RNF38: variants seen among roughly 807,000 people sequenced by gnomAD.
RNF38 encodes E3 ubiquitin-protein ligase RNF38.
In RNF38, 15 loss-of-function variants were observed where a neutral mutation model predicts 67.2. That is an observed-to-expected ratio of 0.22 (90% CI 0.15 to 0.34). The LOEUF is 0.34. RNF38 is among the 10% of genes least tolerant of loss of function. The pLI is 1.00. For missense variants in RNF38, 524 were observed against 639.9 expected (o/e 0.82, Z 1.95); for synonymous variants, 220 against 218.8 (o/e 1.01, Z -0.05).
At position 36,452,829 on chromosome 9, in the gene RNF38, G is replaced by A. The variant is rs148784200; in HGVS notation, n.242-28146C>T. On this transcript the variant is annotated intron_variant and non_coding_transcript_variant, in intron 1 of 3. Transcript: ENST00000488058. ...ATTACAGGCATGAGCCACTGCACCC[G>A]GCCAAAACCTTGTTTATTTTTATGA... 8.1e-3 allele frequency among the ~76,000 whole-genome samples: 1,226 copies of A among 152,200 alleles called. 20 individuals are homozygous for A. The highest frequency in any genetic ancestry group is 0.013 in the Non-Finnish European group (893 of 68,016).
intron 4 of RNF38, among the ~76,000 whole-genome samples, chr9:36,369,143 C>CT (rs1835184312): frequency 1.3e-5 from 2 of 152,216 alleles, no homozygotes. Context: ...GGAATATGTA[C>CT]TCAAACCATC....
chr9:36,413,404 A>G (rs1264614246), intron 2 of RNF38, among the ~76,000 whole-genome samples: 1 of 152,154 alleles, frequency 6.6e-6, no homozygotes, highest in Non-Finnish European at 1.5e-5. Flanking sequence ...TTTCTTTATA[A>G]ATTTCCCAGC....
chr9:36,451,779 C>A (rs1352183181), intron 1 of RNF38, among the ~76,000 whole-genome samples: 1 of 151,402 alleles, frequency 6.6e-6, no homozygotes, highest in African/African-American at 2.4e-5. Flanking sequence ...GGATTACAGG[C>A]ATTAGCCACT....
intron 5 of RNF38, among the ~76,000 whole-genome samples, chr9:36,357,000 AGT>A: frequency 6.6e-6 from 1 of 152,236 alleles, no homozygotes; most frequent in Admixed American, 6.5e-5. Context: ...CTGTTAAGTT[AGT>A]ATTGGTATAA....
chr9:36,376,926 CAAAAAAA>C (rs34112141), intron 2 of RNF38, among the ~76,000 whole-genome samples: 1 of 102,188 alleles, frequency 9.8e-6, no homozygotes, highest in Admixed American at 1.0e-4. Flanking sequence ...GACTCTGTCT[CAAAAAAA>C]AAAAAAAAAA....
intron 4 of RNF38, among the ~76,000 whole-genome samples, chr9:36,369,271 G>A (rs1054035875): frequency 6.6e-6 from 1 of 152,068 alleles, no homozygotes; most frequent in Non-Finnish European, 1.5e-5. Context: ...ACGAAGTCTC[G>A]TTCTGCCACC....
chr9:36,476,904 T>C (rs1440435349), intron 1 of RNF38, among the ~76,000 whole-genome samples: 2 of 152,110 alleles, frequency 1.3e-5, no homozygotes, highest in African/African-American at 2.4e-5. Context: ...CAGCTTACAG[T>C]AGCCATAGGT....
chr9:36,400,904 GCCCCGCCGCGCCCCGCCGCA>G (rs1489401304), upstream of RNF38: 7 of 375,372 alleles, frequency 1.9e-5, no homozygotes, highest in Non-Finnish European at 2.2e-5. Context: ...GCCCCTCCCC[GCCCCGCCGCGCCCCGCCGCA>G]CCCCGCCTCA....
chr9:36,376,979 CAG>C (rs1311883061), intron 2 of RNF38, among the ~76,000 whole-genome samples: 52 of 147,662 alleles, frequency 3.5e-4, no homozygotes, highest in African/African-American at 1.3e-3. Flanking sequence ...TTATGTTAGA[CAG>C]ATAAAGAAAT....
At chr9:36,378,348 T>C (rs545941446) in intron 2 of RNF38, among the ~76,000 whole-genome samples, 2 of 152,122 alleles carry the variant, frequency 1.3e-5, no homozygotes, top group African/African-American at 2.4e-5. Context: ...AGCTAATTTT[T>C]TGTATTTTTA....
At chr9:36,364,178 G>C (rs1247762731) in intron 4 of RNF38, among the ~76,000 whole-genome samples, 1 of 151,968 alleles carries the variant, frequency 6.6e-6, no homozygotes, top group Non-Finnish European at 1.5e-5. Context: ...TCCTCCACCA[G>C]AGACAGCAAA....
chr9:36,381,426 C>T (rs902010427), intron 2 of RNF38, among the ~76,000 whole-genome samples: 4 of 152,172 alleles, frequency 2.6e-5, no homozygotes, highest in Non-Finnish European at 5.9e-5. Flanking sequence ...GGAGTTTAGG[C>T]AAAACTGACC....
chr9:36,469,352 A>G (rs1337807426), intron 1 of RNF38, among the ~76,000 whole-genome samples: 1 of 151,446 alleles, frequency 6.6e-6, no homozygotes, highest in Non-Finnish European at 1.5e-5. Context: ...CACTATTTTC[A>G]GTTCAGTTAG....
intron 1 of RNF38, among the ~76,000 whole-genome samples, chr9:36,479,989 A>AT (rs1554703032): frequency 6.6e-6 from 1 of 151,632 alleles, no homozygotes; most frequent in Non-Finnish European, 1.5e-5. Flanking sequence ...TTATTTTTTT[A>AT]TTTTTTTGAG....
At position 36,415,935 on chromosome 9, in the gene RNF38, G is replaced by A. The variant is rs1039751995; in HGVS notation, n.312+8678C>T. Among the ~76,000 whole-genome samples, 6 of 152,004 alleles carry A rather than the reference G, an allele frequency of 3.9e-5. No homozygotes were observed. The East Asian group carries it at 7.7e-4, about 20-fold the overall frequency. ...GTTGCTGTAATGGCTTCAGTTGGTTGGCCTCCAGTCAGAAGGTGGCGCTTT... is the reference window on the plus strand; with the variant it reads ...GTTGCTGTAATGGCTTCAGTTGGTTAGCCTCCAGTCAGAAGGTGGCGCTTT... On this transcript the variant is annotated intron_variant and non_coding_transcript_variant, in intron 2 of 3. Coordinates refer to the RNF38 transcript ENST00000488058.
chr9:36,367,576 T>C (rs1390662428), intron 4 of RNF38, among the ~76,000 whole-genome samples: 1 of 148,304 alleles, frequency 6.7e-6, no homozygotes, highest in African/African-American at 2.4e-5. Context: ...GTTATTCTTT[T>C]TTCTTTTTTT....
intron 11 of RNF38, among the ~76,000 whole-genome samples, chr9:36,340,201 A>C (rs1195357683): frequency 6.6e-6 from 1 of 151,804 alleles, no homozygotes; most frequent in African/African-American, 2.4e-5. Flanking sequence ...CTGGTCTCAA[A>C]CTCCTGACCT....
At chr9:36,463,396 G>A (rs954844190) in intron 1 of RNF38, among the ~76,000 whole-genome samples, 2 of 152,116 alleles carry the variant, frequency 1.3e-5, no homozygotes, top group African/African-American at 4.8e-5. Context: ...ATCACTCACA[G>A]GAATGCAGGA....
At chr9:36,468,336 T>A (rs1361204035) in intron 1 of RNF38, among the ~76,000 whole-genome samples, 1 of 151,706 alleles carries the variant, frequency 6.6e-6, no homozygotes, top group Non-Finnish European at 1.5e-5. Flanking sequence ...TCCAGGTATA[T>A]AATACATGCT....
Sources: allele counts gnomAD v4.1 joint callset (sites outside exome capture counted in the v4.1 genomes callset), GRCh38; gene constraint gnomAD v4.1.1; transcripts MANE v1.5; gene names NCBI Gene and HGNC (gene_info 2026-07-23, HGNC 2026-07-21).